Variants in CACNA1D observed in about 807,000 individuals in gnomAD.
The protein encoded by CACNA1D is calcium voltage-gated channel subunit alpha1 D, also known as voltage-dependent L-type calcium channel subunit alpha-1D.
In CACNA1D, 55 loss-of-function variants were observed where a neutral mutation model predicts 257.1. That is an observed-to-expected ratio of 0.21 (90% CI 0.17 to 0.27). The LOEUF (loss-of-function observed/expected upper bound fraction) is 0.27. Among genes scored for constraint, CACNA1D ranks in the 10% least tolerant of loss-of-function variants. The probability of loss-of-function intolerance (pLI) is 1.00; values close to 1 mark genes in which losing one functional copy is unlikely to be tolerated. For missense variants in CACNA1D, 1,876 were observed against 2,784.0 expected, an observed-to-expected ratio of 0.67 and a Z score of 7.34; for synonymous variants, 980 against 1,014.9, an observed-to-expected ratio of 0.97 and a Z score of 0.65.
intron 8 of CACNA1D, among the ~76,000 whole-genome samples, chr3:53,700,986 T>C (rs943571240): frequency 6.6e-6 from 1 of 151,124 alleles, no homozygotes; most frequent in African/African-American, 2.4e-5. Flanking sequence ...TGGGATTCTT[T>C]CTAATTGTGG....
chr3:53,559,145 A>C (rs765162943), intron 3 of CACNA1D, among the ~76,000 whole-genome samples: 2 of 152,178 alleles, frequency 1.3e-5, no homozygotes, highest in Non-Finnish European at 1.5e-5. Context: ...TATTACCTCC[A>C]GTCTGCAATT....
intron 15 of CACNA1D, among the ~76,000 whole-genome samples, chr3:53,728,192 G>T (rs2094954469): frequency 2.6e-5 from 4 of 152,164 alleles, no homozygotes; most frequent in African/African-American, 9.7e-5. Flanking sequence ...TGGATGGAGT[G>T]CAGTGGTGCA....
chr3:53,656,328 G>T (rs552137132), intron 4 of CACNA1D, among the ~76,000 whole-genome samples: 26 of 152,266 alleles, frequency 1.7e-4, no homozygotes, highest in Non-Finnish European at 2.8e-4. Context: ...GTCATTGGTG[G>T]TTTGATAGGA....
chr3:53,591,412 C>A (rs1362961604), intron 3 of CACNA1D, among the ~76,000 whole-genome samples: 1 of 152,048 alleles, frequency 6.6e-6, no homozygotes, highest in East Asian at 1.9e-4. Context: ...ACCACCACGC[C>A]CCGCTAATTT....
intron 45 of CACNA1D, among the ~76,000 whole-genome samples, chr3:53,805,826 A>C (rs558528600): frequency 5.7e-4 from 39 of 68,984 alleles, no homozygotes; most frequent in Admixed American, 1.0e-3. Context: ...CTCCTCCTCC[A>C]TCTTCCCTCC....
At chr3:53,735,021 G>C (rs1224474499) in intron 19 of CACNA1D, among the ~76,000 whole-genome samples, 1 of 152,128 alleles carries the variant, frequency 6.6e-6, no homozygotes, top group Non-Finnish European at 1.5e-5. Flanking sequence ...ATGTAGACCT[G>C]GATCGATTCT....
chr3:53,730,245 CTTTTG>C lies in CACNA1D; in HGVS notation c.2222-168_2222-164del, dbSNP rs139366806. ...TAGACTGTCCTTTTACAGGTTTTTA[CTTTTG>C]TTTTGTTTTGTTTTGTTTTGTTTTG... On this transcript the variant is annotated intron_variant, in intron 15 of 47. Coordinates refer to ENST00000350061, the MANE Select transcript of CACNA1D (RefSeq NM_001128840.3). Among the ~76,000 whole-genome samples, 27,616 of 151,196 alleles carry C rather than the reference CTTTTG, an allele frequency of 0.18. 2,699 individuals are homozygous for C. The highest frequency in any genetic ancestry group is 0.22 in the Non-Finnish European group (15,016 of 67,760).
At chr3:53,715,260 C>G (rs1325861647) in intron 9 of CACNA1D, among the ~76,000 whole-genome samples, 1 of 152,182 alleles carries the variant, frequency 6.6e-6, no homozygotes, top group Non-Finnish European at 1.5e-5. Flanking sequence ...TCATCCTCAG[C>G]CCTGGCAACA....
chr3:53,600,407 G>A (rs3774471), intron 3 of CACNA1D, among the ~76,000 whole-genome samples: 65,915 of 151,630 alleles, frequency 0.43, 14,739 homozygotes, highest in African/African-American at 0.56. Context: ...AGACTGTAGT[G>A]CAAAAAGACG....
intron 25 of CACNA1D, among the ~76,000 whole-genome samples, chr3:53,746,694 C>T (rs2095172562): frequency 6.6e-6 from 1 of 152,198 alleles, no homozygotes; most frequent in Non-Finnish European, 1.5e-5. Context: ...AGGTGAGCAG[C>T]CTGGCATTGG....
At chr3:53,590,311 C>G (rs1157841782) in intron 3 of CACNA1D, among the ~76,000 whole-genome samples, 1 of 152,244 alleles carries the variant, frequency 6.6e-6, no homozygotes, top group East Asian at 1.9e-4. Flanking sequence ...TCCACATCAT[C>G]ATTTGTTTCC....
At chr3:53,568,204 G>A (rs1371294843) in intron 3 of CACNA1D, among the ~76,000 whole-genome samples, 4 of 152,082 alleles carry the variant, frequency 2.6e-5, no homozygotes, top group African/African-American at 9.7e-5. Flanking sequence ...ACCCTCTTAC[G>A]GACCTGCAGC....
chr3:53,677,266 G>C (rs1243402805), intron 8 of CACNA1D, among the ~76,000 whole-genome samples: 4 of 152,094 alleles, frequency 2.6e-5, no homozygotes, highest in East Asian at 3.9e-4. Flanking sequence ...CCAGGATGTG[G>C]CTCCAACCCC....
chr3:53,562,032 A>G (rs1188570382), intron 3 of CACNA1D, among the ~76,000 whole-genome samples: 2 of 152,232 alleles, frequency 1.3e-5, no homozygotes, highest in Non-Finnish European at 2.9e-5. Flanking sequence ...ATAGTTTTGT[A>G]CATATCCTTG....
Position 53,660,289 on chromosome 3 carries a change from G to GT in CACNA1D, c.766+17dup. 6.2e-7 allele frequency: 1 copy of GT among 1,613,444 alleles called. No homozygotes were observed. Among genetic ancestry groups the GT allele is most frequent in the Non-Finnish European group, 8.5e-7 (1 of 1,179,614 alleles). ...CAGGAGTGCCCAGTAAGCACTTATT[G>GT]TTTCCTAGAGTCAGGAGTGTGCTGG... is the stretch of plus-strand genomic sequence containing the variant. On this transcript the variant is annotated intron_variant, in intron 5 of 47. Coordinates refer to ENST00000350061, the MANE Select transcript of CACNA1D (RefSeq NM_001128840.3).
At chr3:53,734,406 TTAAA>T (rs1422516432) in intron 19 of CACNA1D, among the ~76,000 whole-genome samples, 6 of 152,044 alleles carry the variant, frequency 3.9e-5, no homozygotes, top group Non-Finnish European at 5.9e-5. Context: ...ACTTTACAAT[TTAAA>T]TATATGTGTA....
chr3:53,520,845 A>G (rs1012003889), intron 3 of CACNA1D, among the ~76,000 whole-genome samples: 6 of 131,396 alleles, frequency 4.6e-5, no homozygotes, highest in South Asian at 2.6e-4. Flanking sequence ...ATGATTTGCA[A>G]ACTCCTTTCT....
At chr3:53,560,010 A>T in intron 3 of CACNA1D, among the ~76,000 whole-genome samples, 1 of 148,452 alleles carries the variant, frequency 6.7e-6, no homozygotes, top group African/African-American at 2.5e-5. Context: ...GGTGGGAGGG[A>T]TTGGAAAAAA....
At chr3:53,602,433 C>G (rs2093455599) in intron 3 of CACNA1D, among the ~76,000 whole-genome samples, 1 of 152,162 alleles carries the variant, frequency 6.6e-6, no homozygotes, top group South Asian at 2.1e-4. Flanking sequence ...TTAGATATCT[C>G]TTTGATATAT....
Sources: gnomAD v4.1 joint callset for allele counts (sites outside exome capture counted in the v4.1 genomes callset) on GRCh38, gnomAD v4.1.1 for gene constraint, MANE v1.5 for transcripts, NCBI Gene and HGNC (gene_info 2026-07-23, HGNC 2026-07-21) for gene names.